Variants in ADAM22 observed in about 807,000 individuals in gnomAD.
ADAM22 encodes ADAM metallopeptidase domain 22.
ADAM22 carries 65 observed loss-of-function variants against 144.6 expected under a neutral mutation model. The ratio of observed to expected loss-of-function variants is 0.45; its 90% CI spans 0.37 to 0.55. The LOEUF (loss-of-function observed/expected upper bound fraction) is 0.55, where lower values mean the gene tolerates loss of function less well. ADAM22 is among the 20% of genes least tolerant of loss of function. The pLI is 0.00. For synonymous variants in ADAM22, 391 were observed against 412.6 expected (o/e 0.95, Z 0.63); for missense variants, 974 against 1,184.9 (o/e 0.82, Z 2.61).
chr7:88,044,413 G>A (rs181637508), intron 3 of ADAM22, among the ~76,000 whole-genome samples: 112 of 152,204 alleles, frequency 7.4e-4, no homozygotes, highest in African/African-American at 2.4e-3. Flanking sequence ...AAAGCTCCTC[G>A]ATTTGGAGAA....
intron 11 of ADAM22, 130 bp from the exon 12 acceptor site, chr7:88,132,737 C>T (rs1832106315): frequency 1.5e-6 from 1 of 663,640 alleles, no homozygotes; most frequent in Non-Finnish European, 2.5e-6. Context: ...TCACATTCTT[C>T]CCTTGCAATG....
intron 3 of ADAM22, among the ~76,000 whole-genome samples, chr7:87,980,480 T>C (rs1255721350): frequency 1.8e-5 from 2 of 109,064 alleles, no homozygotes. Context: ...ATAAGTTCTT[T>C]AAACTTTTTT....
chr7:88,051,917 G>T (rs1254239427), intron 3 of ADAM22, among the ~76,000 whole-genome samples: 2 of 151,916 alleles, frequency 1.3e-5, no homozygotes. Context: ...ATTATTTTTT[G>T]TATTTTTACC....
intron 2 of ADAM22, among the ~76,000 whole-genome samples, chr7:87,951,046 G>A (rs1844979874): frequency 6.6e-6 from 1 of 152,110 alleles, no homozygotes; most frequent in Admixed American, 6.5e-5. Flanking sequence ...TTAGCCCTTT[G>A]TCAGATGAGT....
intron 27 of ADAM22, among the ~76,000 whole-genome samples, chr7:88,179,990 T>C (rs1325022136): frequency 1.3e-5 from 2 of 152,064 alleles, no homozygotes; most frequent in Non-Finnish European, 2.9e-5. Flanking sequence ...GGAGGAAACA[T>C]GACCTGTTCC....
intron 3 of ADAM22, among the ~76,000 whole-genome samples, chr7:88,039,462 A>ATATATATAT (rs1379996653): frequency 1.3e-5 from 1 of 75,816 alleles, no homozygotes; most frequent in African/African-American, 5.1e-5. Flanking sequence ...AAAAAAAAAA[A>ATATATATAT]AAATATATAT....
chr7:87,943,162 A>G (rs1842802472), intron 2 of ADAM22, among the ~76,000 whole-genome samples: 1 of 149,008 alleles, frequency 6.7e-6, no homozygotes, highest in Non-Finnish European at 1.5e-5. Flanking sequence ...TATAATATAT[A>G]CAAAATATAA....
Position 88,201,909 on chromosome 7 carries a change from G to A in ADAM22, c.*5418G>A, listed in dbSNP as rs1394857642. On this transcript the variant is annotated 3_prime_UTR_variant, in exon 32 of 32. Coordinates refer to ENST00000413139, the MANE Select transcript of ADAM22 (RefSeq NM_001324418.2). ...AATATTCTGATCTGCATTCACCTTA[G>A]GGCTTAGCCTCTTATTTTATGAATT... 6.6e-6 allele frequency: 1 copy of A among 152,048 alleles called. No individual in the cohort carries two copies. Among genetic ancestry groups the A allele is most frequent in the Non-Finnish European group, 1.5e-5 (1 of 68,020 alleles). 9.4% of individuals were successfully genotyped at this position (152,048 alleles called of 1,614,324 possible).
chr7:88,097,174 C>T (rs992708768), intron 4 of ADAM22, among the ~76,000 whole-genome samples: 1 of 131,002 alleles, frequency 7.6e-6, no homozygotes, highest in Admixed American at 8.1e-5. Flanking sequence ...TTTTTTGAGA[C>T]AGAGTCTCAC....
intron 3 of ADAM22, among the ~76,000 whole-genome samples, chr7:88,041,618 A>C (rs966737656): frequency 5.9e-5 from 9 of 151,974 alleles, no homozygotes; most frequent in African/African-American, 1.9e-4. Context: ...TCATGTTTTT[A>C]ATGAGAGATA....
At position 88,024,977 on chromosome 7, in the gene ADAM22, T is replaced by C. The variant is rs568107385; in HGVS notation, c.323+46565T>C. ...TGTTGGACATTTGGGTTGGTTCCAA[T>C]TCTTTGCTATTGTGAATAGTGCCGC... On this transcript the variant is annotated intron_variant, in intron 3 of 31. Coordinates refer to ENST00000413139, the MANE Select transcript of ADAM22 (RefSeq NM_001324418.2). Among the ~76,000 whole-genome samples, 9 of 151,868 alleles carry C rather than the reference T, an allele frequency of 5.9e-5. No homozygotes were observed. In the East Asian group the frequency reaches 1.5e-3, roughly 26 times the overall value.
At chr7:88,022,727 A>G (rs1302049356) in intron 3 of ADAM22, among the ~76,000 whole-genome samples, 2 of 152,186 alleles carry the variant, frequency 1.3e-5, no homozygotes, top group African/African-American at 4.8e-5. Flanking sequence ...TCTTTTACAT[A>G]GGATGATTTT....
intron 3 of ADAM22, among the ~76,000 whole-genome samples, chr7:88,020,960 G>C (rs903943177): frequency 3.9e-5 from 6 of 152,064 alleles, no homozygotes; most frequent in African/African-American, 1.4e-4. Flanking sequence ...TTTTACTCTA[G>C]AGTCAGAAAC....
At chr7:88,178,280 A>G (rs1474611129) in intron 26 of ADAM22, among the ~76,000 whole-genome samples, 6 of 152,136 alleles carry the variant, frequency 3.9e-5, no homozygotes, top group Admixed American at 2.0e-4. Flanking sequence ...ATTTTTTTCA[A>G]CCTTTTCTTG....
chr7:87,982,062 T>TACACACACAC (rs1255207602), intron 3 of ADAM22, among the ~76,000 whole-genome samples: 30 of 108,854 alleles, frequency 2.8e-4, no homozygotes, highest in African/African-American at 1.2e-3. Flanking sequence ...TATATATATA[T>TACACACACAC]ATATATACAC....
chr7:87,936,856 T>TTATA (rs35158571), intron 2 of ADAM22, among the ~76,000 whole-genome samples: 222 of 148,900 alleles, frequency 1.5e-3, no homozygotes, highest in Non-Finnish European at 2.0e-3. Context: ...TGTATATATA[T>TTATA]TATATATATA....
intron 3 of ADAM22, among the ~76,000 whole-genome samples, chr7:88,032,221 A>G (rs1177576422): frequency 1.3e-5 from 2 of 152,178 alleles, no homozygotes; most frequent in African/African-American, 4.8e-5. Context: ...CAGGTACTCA[A>G]CACCAGCCTG....
intron 3 of ADAM22, among the ~76,000 whole-genome samples, chr7:87,990,722 G>A (rs1789615780): frequency 1.3e-5 from 2 of 151,970 alleles, no homozygotes; most frequent in South Asian, 4.1e-4. Context: ...GAGGGCAGTG[G>A]TGCCATCTCA....
At position 88,199,744 on chromosome 7, in the gene ADAM22, G is replaced by A. The variant is rs1270160232; in HGVS notation, c.*3253G>A. 1 of 152,224 alleles carries A rather than the reference G, an allele frequency of 6.6e-6. No individual in the cohort carries two copies. Among genetic ancestry groups the A allele is most frequent in the African/African-American group, 2.4e-5 (1 of 41,468 alleles). 9.4% of individuals were successfully genotyped at this position (152,224 alleles called of 1,614,324 possible). A position where few individuals can be genotyped will look rare whatever the true frequency, so the allele number is the denominator to read the frequency against. ...AAAAATGTTGATGAATAAAGCAAAT[G>A]TGGGTTTAAAATGCCAACTTATTTT... On this transcript the variant is annotated 3_prime_UTR_variant, in exon 32 of 32. Transcript: ENST00000413139.
Sources: allele counts gnomAD v4.1 joint callset (sites outside exome capture counted in the v4.1 genomes callset), GRCh38; gene constraint gnomAD v4.1.1; transcripts MANE v1.5; gene names NCBI Gene and HGNC (gene_info 2026-07-23, HGNC 2026-07-21).